FRG1: variants seen among roughly 807,000 people sequenced by gnomAD.
FRG1 encodes FSHD region gene 1.
A neutral mutation model predicts 37.0 loss-of-function variants in FRG1; 19 were observed. That is an observed-to-expected ratio of 0.51 (90% CI 0.36 to 0.75). FRG1 has a LOEUF of 0.75. FRG1 is among the 30% of genes least tolerant of loss of function. FRG1 has a pLI of 0.00. For synonymous variants in FRG1, 73 were observed against 96.5 expected (o/e 0.76, Z 1.43); for missense variants, 243 against 301.4 (o/e 0.81, Z 1.44).
At chr4:189,961,094 A>T (rs1206931129) in intron 7 of FRG1, 1 of 391,146 alleles carries the variant, frequency 2.6e-6, no homozygotes, top group Non-Finnish European at 4.8e-6. Flanking sequence ...ACAAGAAGAG[A>T]CGACACAATG....
At chr4:189,959,796 C>T (rs1317800451) in intron 6 of FRG1, 7 of 762,568 alleles carry the variant, frequency 9.2e-6, no homozygotes, top group Non-Finnish European at 1.1e-5. Context: ...TACCTGGAAG[C>T]TCTGAACAGT....
Position 189,943,222 on chromosome 4 carries a change from A to G in FRG1, c.83A>G (p.Asp28Gly), listed in dbSNP as rs755656360. 6.2e-7 allele frequency: 1 copy of G among 1,603,558 alleles called. No individual in the cohort carries two copies. The highest frequency in any genetic ancestry group is 8.5e-7 in the Non-Finnish European group (1 of 1,172,994). ...KTKSKKKKSK[D>G]KKRKREEDEE... Reference sequence around the variant, plus strand: ...TGTAGTAAGAAGAAAAAGAGCAAAGATAAGAAAAGAAAAAGAGAAGAAGAT... The same window carrying G: ...TGTAGTAAGAAGAAAAAGAGCAAAGGTAAGAAAAGAAAAAGAGAAGAAGAT... Residue 28 changes from aspartate (D) to glycine (G), a missense_variant, in exon 2 of 9, where the codon GAT (aspartate) becomes GGT (glycine). This residue lies in a region of FRG1 where 110 missense variants were observed against 102.2 expected (regional missense o/e 1.08). Coordinates refer to ENST00000226798, the MANE Select transcript of FRG1 (RefSeq NM_004477.3).
rs1396588414 is a variant in FRG1 at position 189,961,849 on chromosome 4, C to T, written c.657C>T (p.His219=). The T allele has an allele frequency of 6.3e-7, 1 of 1,578,808 alleles. No homozygotes were observed. The highest frequency in any genetic ancestry group is 8.6e-7 in the Non-Finnish European group (1 of 1,160,860). ...YVKKFQSFQD[H]KLKISKEDSK... ...AGAAATTTCAGAGCTTCCAAGACCA[C>T]AAACTTAAAATAAGTAAAGAAGACA... The change falls in exon 8 of 9, where the codon CAC becomes CAT. Residue 219 remains histidine, a synonymous_variant. Transcript: ENST00000226798.
intron 2 of FRG1, among the ~76,000 whole-genome samples, chr4:189,950,947 T>C (rs186323311): frequency 9.4e-4 from 143 of 152,324 alleles, no homozygotes; most frequent in African/African-American, 3.4e-3. Context: ...TACTATGTCA[T>C]TATCAGACCT....
In FRG1 at chr4:189,941,074, G is replaced by A; in HGVS notation, c.62+3G>A. On this transcript the variant is annotated splice_donor_region_variant and intron_variant, in intron 1 of 8. Coordinates refer to ENST00000226798, the MANE Select transcript of FRG1 (RefSeq NM_004477.3). ...CTCAAGGGAACCAAGACGAAGAGGT[G>A]GGTCCTGCAGCTTGGGCGGGAGCCT... 1.2e-6 allele frequency: 2 copies of A among 1,613,698 alleles called. No individual in the cohort carries two copies. The highest frequency in any genetic ancestry group is 1.7e-6 in the Non-Finnish European group (2 of 1,179,604).
intron 2 of FRG1, among the ~76,000 whole-genome samples, chr4:189,945,944 A>G (rs1452567858): frequency 1.3e-5 from 2 of 152,008 alleles, no homozygotes; most frequent in South Asian, 2.1e-4. Flanking sequence ...ATTTTTTAAG[A>G]GATATTTTCA....
At chr4:189,948,515 G>T (rs1408622927) in intron 2 of FRG1, among the ~76,000 whole-genome samples, 3 of 152,172 alleles carry the variant, frequency 2.0e-5, no homozygotes, top group African/African-American at 7.2e-5. Flanking sequence ...CCAAATCTAA[G>T]ATATATCATT....
intron 2 of FRG1, among the ~76,000 whole-genome samples, chr4:189,947,541 A>G (rs1479719207): frequency 1.3e-5 from 2 of 152,200 alleles, no homozygotes; most frequent in Admixed American, 1.3e-4. Flanking sequence ...GGAAAGGTTC[A>G]TCCTCATGGG....
At position 189,957,463 on chromosome 4, in the gene FRG1, A is replaced by G; in HGVS notation, c.498A>G (p.Glu166=). 1.2e-6 allele frequency: 2 copies of G among 1,612,618 alleles called. No individual in the cohort carries two copies. The highest frequency in any genetic ancestry group is 1.1e-5 in the South Asian group (1 of 90,946). Residue 166 remains glutamate, a synonymous_variant, in exon 6 of 9, where the codon GAA becomes GAG. Coordinates refer to ENST00000226798, the MANE Select transcript of FRG1 (RefSeq NM_004477.3). The stretch of plus-strand genomic sequence containing the variant: ...GATGCAATGAAGCAGGGGACATAGA[A>G]GCAAAAAGTAAAACAGCAGGAGAAG... ...FIRCNEAGDI[E]AKSKTAGEEE...
chr4:189,949,833 A>T (rs1320611060), intron 2 of FRG1, among the ~76,000 whole-genome samples: 1 of 151,988 alleles, frequency 6.6e-6, no homozygotes, highest in Non-Finnish European at 1.5e-5. Context: ...TTTAATTTTG[A>T]TTAATTTTCT....
rs1473020484 is a variant in FRG1 at position 189,943,278 on chromosome 4, T to G, written c.133+6T>G. On this transcript the variant is annotated splice_donor_region_variant and intron_variant, in intron 2 of 8. Coordinates refer to ENST00000226798, the MANE Select transcript of FRG1 (RefSeq NM_004477.3). ...AACCCAGCTTGATATTGTTGGTGAG[T>G]CAGTTTTCAGTGCTCTATTCTGAAA... The G allele has an allele frequency of 3.1e-6, 5 of 1,603,704 alleles. 1 individual carries two copies. The South Asian group carries it at 5.7e-5, about 18-fold the overall frequency.
intron 1 of FRG1, among the ~76,000 whole-genome samples, chr4:189,941,645 T>C (rs1308611965): frequency 1.3e-5 from 2 of 152,188 alleles, no homozygotes; most frequent in Non-Finnish European, 2.9e-5. Flanking sequence ...TATCTGAACC[T>C]CCGTTTACAC....
intron 2 of FRG1, among the ~76,000 whole-genome samples, chr4:189,949,141 A>G (rs564816200): frequency 6.6e-6 from 1 of 152,358 alleles, no homozygotes; most frequent in South Asian, 2.1e-4. Context: ...GGATTCTCTT[A>G]AATTCAGCTT....
At position 189,960,893 on chromosome 4, in the gene FRG1, A is replaced by G. The variant is rs1391069594; in HGVS notation, c.629+54A>G. ...AGATTTGACAGTGAAGTGCTTCTCA[A>G]AGTGCTTTCAAAATAAATTACCTAC... On this transcript the variant is annotated intron_variant, in intron 7 of 8. Coordinates refer to ENST00000226798, the MANE Select transcript of FRG1 (RefSeq NM_004477.3). 7 of 1,574,794 alleles carry G rather than the reference A, an allele frequency of 4.4e-6. No individual in the cohort carries two copies. The African/African-American group carries it at 6.8e-5, about 15-fold the overall frequency.
At chr4:189,947,141 C>G (rs1277582212) in intron 2 of FRG1, among the ~76,000 whole-genome samples, 2 of 152,248 alleles carry the variant, frequency 1.3e-5, no homozygotes, top group African/African-American at 4.8e-5. Flanking sequence ...GGTGCCCGGC[C>G]AGTTCAGTGT....
intron 6 of FRG1, among the ~76,000 whole-genome samples, chr4:189,959,097 T>TC (rs754252817): frequency 3.3e-4 from 50 of 152,236 alleles, no homozygotes; most frequent in Non-Finnish European, 5.7e-4. Flanking sequence ...TTTTCTCTAC[T>TC]ACCAGTGCAA....
chr4:189,960,678 T>C (rs543118444), intron 6 of FRG1, 70 bp from the exon 7 acceptor site: 13,560 of 1,245,638 alleles, frequency 0.011, 108 homozygotes, highest in Non-Finnish European at 0.013. Context: ...AATGTTCTTA[T>C]GTGATACGTA....
chr4:189,961,108 C>A, intron 7 of FRG1: 1 of 299,758 alleles, frequency 3.3e-6, no homozygotes, highest in Non-Finnish European at 6.4e-6. Context: ...CACAATGTAG[C>A]CTCTAGGACA....
chr4:189,953,398 C>A (rs1005998052), intron 4 of FRG1, among the ~76,000 whole-genome samples: 1 of 151,868 alleles, frequency 6.6e-6, no homozygotes, highest in East Asian at 1.9e-4. Context: ...TAGTACAAAA[C>A]CTGGTTCACT....
Sources: gnomAD v4.1 joint callset for allele counts (sites outside exome capture counted in the v4.1 genomes callset) on GRCh38, gnomAD v4.1.1 for gene constraint, gnomAD v4.1.1 regional missense constraint, MANE v1.5 for transcripts, NCBI Gene and HGNC (gene_info 2026-07-23, HGNC 2026-07-21) for gene names.